Variants in TNR observed in about 807,000 individuals in gnomAD.
TNR encodes tenascin-R.
In TNR, 45 loss-of-function variants were observed where a neutral mutation model predicts 150.4. That is an observed-to-expected ratio of 0.30 (90% CI 0.24 to 0.38). The LOEUF is 0.38. Ranked by LOEUF, TNR falls within the 10% of genes least tolerant of loss-of-function variation. TNR has a pLI of 1.00. For synonymous variants in TNR, 687 were observed against 678.4 expected, an observed-to-expected ratio of 1.01 and a Z score of -0.20; for missense variants, 1,544 against 1,759.1, an observed-to-expected ratio of 0.88 and a Z score of 2.19.
At chr1:175,611,156 G>A (rs558703653) in intron 1 of TNR, among the ~76,000 whole-genome samples, 6 of 152,192 alleles carry the variant, frequency 3.9e-5, no homozygotes, top group Admixed American at 2.0e-4. Flanking sequence ...AATTTAACCC[G>A]TTCCTTCATT....
intron 1 of TNR, among the ~76,000 whole-genome samples, chr1:175,707,640 G>A (rs1216863895): frequency 1.3e-5 from 2 of 152,122 alleles, no homozygotes; most frequent in Non-Finnish European, 2.9e-5. Context: ...CTGCTGGGGT[G>A]TCCTCACTGA....
chr1:175,515,482 T>A (rs964923864), intron 2 of TNR, among the ~76,000 whole-genome samples: 2 of 152,088 alleles, frequency 1.3e-5, no homozygotes, highest in African/African-American at 4.8e-5. Flanking sequence ...AAGGAGAGAA[T>A]TAGTTTGGAG....
At chr1:175,339,004 A>G (rs1650387922) in intron 18 of TNR, among the ~76,000 whole-genome samples, 1 of 152,258 alleles carries the variant, frequency 6.6e-6, no homozygotes, top group Admixed American at 6.5e-5. Context: ...GCATGGTTAT[A>G]CCAGGGAATG....
intron 4 of TNR, among the ~76,000 whole-genome samples, chr1:175,402,165 G>A (rs1005119849): frequency 2.6e-5 from 4 of 151,368 alleles, no homozygotes; most frequent in Non-Finnish European, 5.9e-5. Flanking sequence ...AAATTAGCCG[G>A]GCGCGGTGGT....
chr1:175,636,106 C>T (rs2101877278), intron 1 of TNR, among the ~76,000 whole-genome samples: 1 of 152,196 alleles, frequency 6.6e-6, no homozygotes, highest in East Asian at 1.9e-4. Flanking sequence ...ATGTTATTTC[C>T]CAGATGTGAC....
intron 1 of TNR, among the ~76,000 whole-genome samples, chr1:175,695,184 T>C (rs935254356): frequency 6.6e-5 from 10 of 152,196 alleles, no homozygotes; most frequent in African/African-American, 2.2e-4. Flanking sequence ...GTTGCTCTCC[T>C]TTTTGGATCC....
chr1:175,362,923 G>A (rs1651669786), intron 13 of TNR, 114 bp from the exon 14 acceptor site: 3 of 1,293,606 alleles, frequency 2.3e-6, no homozygotes, highest in Non-Finnish European at 3.3e-6. Flanking sequence ...CACTCAGTGG[G>A]GAGGGATGAT....
rs61499574 is a variant in TNR at position 175,454,677 on chromosome 1, G to A, written c.-63-47900C>T. Among the ~76,000 whole-genome samples the A allele has an allele frequency of 4.4e-3, 666 of 152,192 alleles. 2 individuals carry two copies. Among genetic ancestry groups the A allele is most frequent in the African/African-American group, 0.015 (633 of 41,518 alleles). On this transcript the variant is annotated intron_variant, in intron 2 of 22. Coordinates refer to ENST00000367674, the MANE Select transcript of TNR (RefSeq NM_003285.3). The stretch of plus-strand genomic sequence containing the variant: ...AGTAGAGACGGGGTTTCACCATGTT[G>A]GCCAGGCTGGTCTCGAACTCCTGAC...
At chr1:175,669,466 C>A (rs1302609316) in intron 1 of TNR, among the ~76,000 whole-genome samples, 2 of 152,192 alleles carry the variant, frequency 1.3e-5, no homozygotes, top group African/African-American at 4.8e-5. Context: ...AGTGACTTTG[C>A]CCTCCACAGA....
Position 175,406,516 on chromosome 1 carries a change from G to A in TNR, c.199C>T (p.His67Tyr), listed in dbSNP as rs1653971643. The A allele has an allele frequency of 6.2e-7, 1 of 1,614,194 alleles. No individual in the cohort carries two copies. Among genetic ancestry groups the A allele is most frequent in the Non-Finnish European group, 8.5e-7 (1 of 1,180,044 alleles). Residue 67 changes from histidine (H) to tyrosine (Y), a missense_variant, in exon 3 of 23, where the codon CAC becomes TAC. By Grantham distance (83) the His-to-Tyr change is moderately conservative. Around this residue, in one of 2 missense-constraint regions of TNR, gnomAD observed 1,254 missense variants for 1,329.4 expected, o/e 0.94. Coordinates refer to ENST00000367674, the MANE Select transcript of TNR (RefSeq NM_003285.3). The stretch of plus-strand genomic sequence containing the variant: ...AAGGGCACGTTAATGTTGTACACGT[G>A]GTTGAAGACCACAGGCTGCTCTTTG... ...SSKEQPVVFN[H>Y]VYNINVPLDN...
At position 175,560,916 on chromosome 1, in the gene TNR, T is replaced by G. The variant is rs74892670; in HGVS notation, c.-164-32547A>C. 7.2e-3 allele frequency among the ~76,000 whole-genome samples: 1,098 copies of G among 152,320 alleles called. 16 individuals are homozygous for G. Among genetic ancestry groups the G allele is most frequent in the African/African-American group, 0.024 (1,009 of 41,566 alleles). On this transcript the variant is annotated intron_variant, in intron 1 of 22. Transcript: ENST00000367674. ...TTCAAGATTATTTTAACAAAATCGA[T>G]TTTGTTCCTCTCTGTTGAAAGATCT...
intron 7 of TNR, among the ~76,000 whole-genome samples, chr1:175,390,776 A>C (rs1236299240): frequency 1.3e-5 from 2 of 152,216 alleles, no homozygotes; most frequent in Non-Finnish European, 2.9e-5. Flanking sequence ...TTGAGCACTC[A>C]CTCTCATCAG....
intron 1 of TNR, among the ~76,000 whole-genome samples, chr1:175,727,632 G>A (rs1363363093): frequency 6.6e-6 from 1 of 152,182 alleles, no homozygotes; most frequent in Non-Finnish European, 1.5e-5. Context: ...GAGAAATTGA[G>A]GATTCAAGTG....
chr1:175,460,573 T>C (rs1201863161), intron 2 of TNR, among the ~76,000 whole-genome samples: 1 of 152,226 alleles, frequency 6.6e-6, no homozygotes, highest in African/African-American at 2.4e-5. Context: ...CCTGTGTTTT[T>C]ACAATGTGTT....
At chr1:175,634,130 C>T (rs1664420823) in intron 1 of TNR, among the ~76,000 whole-genome samples, 1 of 152,164 alleles carries the variant, frequency 6.6e-6, no homozygotes, top group Non-Finnish European at 1.5e-5. Context: ...TTGTCAATTT[C>T]TTGCTCTGAT....
At chr1:175,377,523 C>T (rs566776699) in intron 9 of TNR, among the ~76,000 whole-genome samples, 2 of 150,466 alleles carry the variant, frequency 1.3e-5, no homozygotes, top group East Asian at 1.9e-4. Context: ...CTCTGCGAGG[C>T]CCTATGCCAG....
chr1:175,455,197 G>A (rs1057406270), intron 2 of TNR, among the ~76,000 whole-genome samples: 5 of 152,158 alleles, frequency 3.3e-5, no homozygotes, highest in African/African-American at 7.2e-5. Context: ...CCGAGCCTCC[G>A]GCCATTCTAC....
At chr1:175,351,590 G>A (rs1651054597) in intron 18 of TNR, among the ~76,000 whole-genome samples, 1 of 152,148 alleles carries the variant, frequency 6.6e-6, no homozygotes. Context: ...TGTCTATTAT[G>A]TCTGGTATGT....
intron 2 of TNR, among the ~76,000 whole-genome samples, chr1:175,479,958 C>T (rs1010400345): frequency 2.0e-5 from 3 of 152,032 alleles, no homozygotes; most frequent in Admixed American, 6.6e-5. Flanking sequence ...AGAAGTAGCT[C>T]CTGTCTTCAT....
Sources: gnomAD v4.1 joint callset for allele counts (sites outside exome capture counted in the v4.1 genomes callset) on GRCh38, gnomAD v4.1.1 for gene constraint, gnomAD v4.1.1 regional missense constraint, MANE v1.5 for transcripts, NCBI Gene and HGNC (gene_info 2026-07-23, HGNC 2026-07-21) for gene names.